The following STXBP5L variants were observed in gnomAD, a reference collection of about 807,000 sequenced individuals.
STXBP5L encodes syntaxin binding protein 5L.
A neutral mutation model predicts 144.5 loss-of-function variants in STXBP5L; 65 were observed. That is an observed-to-expected ratio of 0.45 (90% CI 0.37 to 0.55). STXBP5L has a LOEUF of 0.55. Among genes scored for constraint, STXBP5L ranks in the 20% least tolerant of loss-of-function variants. STXBP5L has a pLI of 0.00. For missense variants in STXBP5L, 1,298 were observed against 1,405.5 expected (o/e 0.92, Z 1.22); for synonymous variants, 505 against 469.6 (o/e 1.08, Z -0.97).
chr3:121,367,268 TC>T lies in STXBP5L; in HGVS notation c.2177-11446del, dbSNP rs1224365953. On this transcript the variant is annotated intron_variant, in intron 20 of 26. Coordinates refer to ENST00000471454, the MANE Select transcript of STXBP5L (RefSeq NM_001308330.2). Reference sequence around the variant, plus strand: ...TATGGCTTTGAGTTACTACCTAATATCCTTTTATTTCACCCTGCAGGACTCC... The same window carrying T: ...TATGGCTTTGAGTTACTACCTAATATCTTTTATTTCACCCTGCAGGACTCC... Among the ~76,000 whole-genome samples the T allele has an allele frequency of 2.0e-5, 3 of 152,166 alleles. No homozygotes were observed. In the East Asian group the frequency reaches 5.8e-4, roughly 29 times the overall value.
At chr3:121,362,956 T>C (rs1240195777) in intron 20 of STXBP5L, among the ~76,000 whole-genome samples, 1 of 152,114 alleles carries the variant, frequency 6.6e-6, no homozygotes. Context: ...AGGTGATCAA[T>C]GCTGCCAGAA....
chr3:121,405,511 A>G (rs1473979700), intron 22 of STXBP5L, among the ~76,000 whole-genome samples: 1 of 152,138 alleles, frequency 6.6e-6, no homozygotes, highest in Non-Finnish European at 1.5e-5. Flanking sequence ...TGATTGAATG[A>G]AGGTTGTAGT....
intron 4 of STXBP5L, among the ~76,000 whole-genome samples, chr3:121,042,952 T>C (rs911847932): frequency 6.6e-6 from 1 of 151,786 alleles, no homozygotes; most frequent in Non-Finnish European, 1.5e-5. Context: ...TGTAGTTCCT[T>C]GTTGAGGGAT....
intron 3 of STXBP5L, among the ~76,000 whole-genome samples, chr3:121,035,926 G>T (rs920911050): frequency 6.6e-6 from 1 of 152,014 alleles, no homozygotes; most frequent in African/African-American, 2.4e-5. Context: ...TCAGTGAACA[G>T]GTCTTAAAAC....
chr3:120,918,299 T>A lies in STXBP5L; in HGVS notation c.189+8532T>A, dbSNP rs529607401. Among the ~76,000 whole-genome samples the A allele has an allele frequency of 4.6e-5, 7 of 152,346 alleles. No homozygotes were observed. In the South Asian group the frequency reaches 1.4e-3, roughly 32 times the overall value. On this transcript the variant is annotated intron_variant, in intron 2 of 26. Transcript: ENST00000471454. The stretch of plus-strand genomic sequence containing the variant: ...TCCATCTGCAACCTTAATTCCCCTC[T>A]GCCATATAAGCTAACATATTCACAG...
intron 20 of STXBP5L, among the ~76,000 whole-genome samples, chr3:121,377,186 T>C (rs901677490): frequency 6.6e-6 from 1 of 152,210 alleles, no homozygotes; most frequent in Non-Finnish European, 1.5e-5. Context: ...AGAGACAATT[T>C]GGCTTTCTCT....
At chr3:121,004,130 T>A (rs1316000956) in intron 3 of STXBP5L, among the ~76,000 whole-genome samples, 1 of 152,202 alleles carries the variant, frequency 6.6e-6, no homozygotes, top group Non-Finnish European at 1.5e-5. Context: ...AATCTATAAA[T>A]TACCTTGGGC....
chr3:121,192,650 G>A (rs1190678598), intron 9 of STXBP5L, among the ~76,000 whole-genome samples: 2 of 151,972 alleles, frequency 1.3e-5, no homozygotes, highest in African/African-American at 4.8e-5. Context: ...CAGAACAGAG[G>A]CCTCAGAAAT....
intron 3 of STXBP5L, among the ~76,000 whole-genome samples, chr3:121,016,684 CAGA>C (rs1298956671): frequency 1.3e-5 from 2 of 152,088 alleles, no homozygotes; most frequent in African/African-American, 2.4e-5. Context: ...GTGAGCAAAA[CAGA>C]AGAACTATAT....
At chr3:121,214,251 T>G (rs1357813004) in intron 10 of STXBP5L, among the ~76,000 whole-genome samples, 1 of 152,216 alleles carries the variant, frequency 6.6e-6, no homozygotes, top group African/African-American at 2.4e-5. Flanking sequence ...TTCTGCTAGC[T>G]TTTGAATATG....
At chr3:120,966,804 G>A (rs1490080011) in intron 3 of STXBP5L, among the ~76,000 whole-genome samples, 1 of 152,168 alleles carries the variant, frequency 6.6e-6, no homozygotes, top group Non-Finnish European at 1.5e-5. Flanking sequence ...CTCAAATGCT[G>A]TGCTGGGAGA....
At chr3:121,404,355 A>G (rs1255153201) in intron 22 of STXBP5L, among the ~76,000 whole-genome samples, 1 of 152,088 alleles carries the variant, frequency 6.6e-6, no homozygotes, top group African/African-American at 2.4e-5. Flanking sequence ...CAGTTCAACC[A>G]AGCCTCTATC....
At chr3:121,132,841 GA>G (rs200372650) in intron 7 of STXBP5L, among the ~76,000 whole-genome samples, 8 of 149,772 alleles carry the variant, frequency 5.3e-5, no homozygotes, top group Non-Finnish European at 7.4e-5. Context: ...TAATAGAACT[GA>G]AAAAAAAATC....
chr3:121,157,384 G>GT, intron 8 of STXBP5L, 120 bp from the exon 9 acceptor site: 1 of 1,088,168 alleles, frequency 9.2e-7, no homozygotes, highest in Non-Finnish European at 1.2e-6. Flanking sequence ...GAAAAATTAT[G>GT]TTTTTTAAGT....
intron 9 of STXBP5L, among the ~76,000 whole-genome samples, chr3:121,187,497 A>G (rs1457312016): frequency 6.6e-6 from 1 of 152,004 alleles, no homozygotes; most frequent in Non-Finnish European, 1.5e-5. Context: ...AACATGGCAC[A>G]TGTATACATA....
chr3:121,101,990 G>T (rs2043450377), intron 5 of STXBP5L, among the ~76,000 whole-genome samples: 1 of 151,812 alleles, frequency 6.6e-6, no homozygotes, highest in Non-Finnish European at 1.5e-5. Context: ...AAATACCTAG[G>T]AATACATCTA....
intron 6 of STXBP5L, 148 bp downstream of exon 6, chr3:121,115,207 A>G: frequency 4.2e-6 from 3 of 721,684 alleles, no homozygotes; most frequent in Middle Eastern, 4.1e-4. Context: ...TTAAAGCCAT[A>G]AAAGCTTTTA....
At chr3:121,196,866 T>TG (rs1452961627) in intron 9 of STXBP5L, among the ~76,000 whole-genome samples, 2 of 151,452 alleles carry the variant, frequency 1.3e-5, no homozygotes, top group African/African-American at 4.9e-5. Flanking sequence ...ATTGATTGAT[T>TG]GAGACAGGGT....
At chr3:120,976,155 C>T (rs983020245) in intron 3 of STXBP5L, among the ~76,000 whole-genome samples, 1 of 152,172 alleles carries the variant, frequency 6.6e-6, no homozygotes, top group Non-Finnish European at 1.5e-5. Flanking sequence ...TAGAATTCGG[C>T]TGTGAATCCA....
Sources: allele counts gnomAD v4.1 joint callset (sites outside exome capture counted in the v4.1 genomes callset), GRCh38; gene constraint gnomAD v4.1.1; transcripts MANE v1.5; gene names NCBI Gene and HGNC (gene_info 2026-07-23, HGNC 2026-07-21).